The following PIK3R1 variants were observed in gnomAD, a reference collection of about 807,000 sequenced individuals.
PIK3R1 encodes phosphatidylinositol 3-kinase regulatory subunit alpha.
PIK3R1 carries 29 observed loss-of-function variants against 98.0 expected under a neutral mutation model. The ratio of observed to expected loss-of-function variants is 0.30; its 90% CI spans 0.22 to 0.40. PIK3R1 has a LOEUF of 0.40. PIK3R1 is among the 10% of genes least tolerant of loss of function. The probability of loss-of-function intolerance (pLI) is 1.00; values close to 1 mark genes in which losing one functional copy is unlikely to be tolerated. For synonymous variants in PIK3R1, 282 were observed against 311.8 expected (o/e 0.90, Z 1.01); for missense variants, 596 against 872.7 (o/e 0.68, Z 3.99).
At chr5:68,224,069 GAC>G (rs1561256173) in intron 1 of PIK3R1, among the ~76,000 whole-genome samples, 2 of 152,132 alleles carry the variant, frequency 1.3e-5, no homozygotes, top group Admixed American at 6.5e-5. Context: ...CCCCCTAAAA[GAC>G]ATACATTGCC....
chr5:68,248,006 T>G (rs907388775), intron 2 of PIK3R1, among the ~76,000 whole-genome samples: 7 of 152,172 alleles, frequency 4.6e-5, no homozygotes, highest in Admixed American at 4.6e-4. Flanking sequence ...TTCTTTTTTT[T>G]TTTTTGACAG....
At chr5:68,248,576 A>C (rs937582624) in intron 2 of PIK3R1, among the ~76,000 whole-genome samples, 2 of 151,910 alleles carry the variant, frequency 1.3e-5, no homozygotes, top group Non-Finnish European at 2.9e-5. Context: ...TTTTTTCTTT[A>C]CGTCTGTTCA....
chr5:68,272,252 C>CAAA (rs36123886), intron 2 of PIK3R1, among the ~76,000 whole-genome samples: 12 of 46,886 alleles, frequency 2.6e-4, no homozygotes, highest in African/African-American at 8.6e-4. Context: ...GACCCTGTCT[C>CAAA]AAAAAAAAAA....
Position 68,294,688 on chromosome 5 carries a change from T to C in PIK3R1, c.1568+10T>C, listed in dbSNP as rs768927617. On this transcript the variant is annotated intron_variant, in intron 12 of 15. Coordinates refer to ENST00000521381, the MANE Select transcript of PIK3R1 (RefSeq NM_181523.3). The stretch of plus-strand genomic sequence containing the variant: ...AGAAAGAAATACAAAGGTTGGTGTT[T>C]CCCTTGTTCTTGTGCTAGAGATAAC... 1.9e-6 allele frequency: 3 copies of C among 1,591,604 alleles called. No homozygotes were observed. In the Admixed American group the frequency reaches 5.5e-5, roughly 29 times the overall value.
intron 2 of PIK3R1, among the ~76,000 whole-genome samples, chr5:68,247,998 CT>C (rs377116887): frequency 1.6e-3 from 233 of 145,086 alleles, no homozygotes; most frequent in Non-Finnish European, 1.8e-3. Context: ...GGAAAATGTT[CT>C]TTTTTTTTTT....
chr5:68,237,201 G>A (rs1216126108), intron 2 of PIK3R1, among the ~76,000 whole-genome samples: 1 of 152,196 alleles, frequency 6.6e-6, no homozygotes, highest in African/African-American at 2.4e-5. Context: ...GTTTTGGTCT[G>A]TGGATAGCAG....
rs562206447 is a variant in PIK3R1 at position 68,257,232 on chromosome 5, GA to G, written c.335-16156del. On this transcript the variant is annotated intron_variant, in intron 2 of 15. Coordinates refer to ENST00000521381, the MANE Select transcript of PIK3R1 (RefSeq NM_181523.3). The stretch of plus-strand genomic sequence containing the variant: ...TGGCTGATAGCTGCTCCATCCAGAG[GA>G]AGAGCCATGAAGTTCCCCCGACCCA... Among the ~76,000 whole-genome samples the G allele has an allele frequency of 2.8e-3, 432 of 152,302 alleles. 1 individual carries two copies. Among genetic ancestry groups the G allele is most frequent in the Non-Finnish European group, 4.3e-3 (291 of 68,022 alleles).
At chr5:68,259,062 A>C (rs1050955930) in intron 2 of PIK3R1, among the ~76,000 whole-genome samples, 5 of 152,198 alleles carry the variant, frequency 3.3e-5, no homozygotes, top group Non-Finnish European at 7.3e-5. Flanking sequence ...CTAAAGAAAA[A>C]TTGAAGGCCA....
rs944735255 is a variant in PIK3R1, at chr5:68,299,815, T to C, written c.*2214T>C. 4.3e-6 allele frequency: 1 copy of C among 233,116 alleles called. No individual in the cohort carries two copies. Among genetic ancestry groups the C allele is most frequent in the African/African-American group, 2.2e-5 (1 of 45,344 alleles). 14.4% of individuals were successfully genotyped at this position (233,116 alleles called of 1,614,324 possible). A position where few individuals can be genotyped will look rare whatever the true frequency, so the allele number is the denominator to read the frequency against. ...GAAACTACTCATACTTAAGCAAAAG[T>C]CAGTCTTATAGCAAGACTGTTAGCC... On this transcript the variant is annotated 3_prime_UTR_variant, in exon 16 of 16. Transcript: ENST00000521381.
intron 1 of PIK3R1, among the ~76,000 whole-genome samples, chr5:68,222,966 T>C (rs376970716): frequency 7.2e-5 from 11 of 152,120 alleles, no homozygotes; most frequent in African/African-American, 2.4e-4. Flanking sequence ...TAAGTGAGAC[T>C]ACTGATAGTA....
chr5:68,298,539 CCTTTTTTAAAA>C lies in PIK3R1; in HGVS notation c.*939_*949del, dbSNP rs1334160571. On this transcript the variant is annotated 3_prime_UTR_variant, in exon 16 of 16. Transcript: ENST00000521381. ...TTTTGTTAATATTCATTTTTGTTATCCTTTTTTAAAAGTAAATGTACAGGATGCCAGTAAAA... is the reference window on the plus strand; with the variant it reads ...TTTTGTTAATATTCATTTTTGTTATCGTAAATGTACAGGATGCCAGTAAAA... 8.6e-6 allele frequency: 2 copies of C among 231,972 alleles called. No individual in the cohort carries two copies. The highest frequency in any genetic ancestry group is 1.7e-5 in the Non-Finnish European group (2 of 117,722). The allele number at this position is 231,972 out of a possible 1,614,324, so 14.4% of individuals were successfully genotyped here. A position where few individuals can be genotyped will look rare whatever the true frequency, so the allele number is the denominator to read the frequency against.
At chr5:68,278,404 G>A (rs1468675875) in intron 4 of PIK3R1, among the ~76,000 whole-genome samples, 1 of 152,148 alleles carries the variant, frequency 6.6e-6, no homozygotes. Context: ...CCATCACTCT[G>A]TTGGTGACAT....
Position 68,293,846 on chromosome 5 carries a change from A to G in PIK3R1, c.1425+12A>G, listed in dbSNP as rs370702392. Reference sequence around the variant, plus strand: ...CCCGCACATCCCAGGTGAGTTTTCTATGAAAATCAGATTAAAAAATAAGAG... The same window carrying G: ...CCCGCACATCCCAGGTGAGTTTTCTGTGAAAATCAGATTAAAAAATAAGAG... On this transcript the variant is annotated intron_variant, in intron 11 of 15. Transcript: ENST00000521381. 6 of 1,545,176 alleles carry G rather than the reference A, an allele frequency of 3.9e-6. No homozygotes were observed. The Admixed American group carries it at 9.3e-5, about 24-fold the overall frequency.
At chr5:68,236,070 C>T (rs1040380722) in intron 2 of PIK3R1, among the ~76,000 whole-genome samples, 9 of 150,918 alleles carry the variant, frequency 6.0e-5, no homozygotes, top group Admixed American at 6.0e-4. Flanking sequence ...AGGGTTTCAC[C>T]ATATTGGTCA....
rs1361311361 is a variant in PIK3R1 at position 68,226,446 on chromosome 5, G to A, written c.-230G>A. The A allele has an allele frequency of 3.9e-5, 20 of 512,424 alleles. No homozygotes were observed. The highest frequency in any genetic ancestry group is 2.0e-4 in the Admixed American group (6 of 29,814). 31.7% of individuals were successfully genotyped at this position (512,424 alleles called of 1,614,324 possible). A position where few individuals can be genotyped will look rare whatever the true frequency, so the allele number is the denominator to read the frequency against. On this transcript the variant is annotated 5_prime_UTR_variant, in exon 2 of 16. Transcript: ENST00000521381. ...GAAGCCAGTGAGAGGACTGTGGCAC[G>A]CAGAGGAAGTGGAGCCCTGTCTTCG...
At chr5:68,262,921 A>C in intron 2 of PIK3R1, among the ~76,000 whole-genome samples, 1 of 81,870 alleles carries the variant, frequency 1.2e-5, no homozygotes, top group Non-Finnish European at 2.6e-5. Context: ...ATACATGTAG[A>C]TACATGTATA....
At chr5:68,252,724 T>TG in intron 2 of PIK3R1, among the ~76,000 whole-genome samples, 1 of 152,304 alleles carries the variant, frequency 6.6e-6, no homozygotes, top group Non-Finnish European at 1.5e-5. Flanking sequence ...TCCCCAATTT[T>TG]GGGGGTGGGA....
At position 68,226,410 on chromosome 5, in the gene PIK3R1, T is replaced by C. The variant is rs1744277880; in HGVS notation, c.-266T>C. ...AGCCTGGATTCAAAGTGTTGACAAGTTGCTGAAAAGGAAGCCAGTGAGAGG... is the reference window on the plus strand; with the variant it reads ...AGCCTGGATTCAAAGTGTTGACAAGCTGCTGAAAAGGAAGCCAGTGAGAGG... On this transcript the variant is annotated 5_prime_UTR_variant, in exon 2 of 16. Transcript: ENST00000521381. 8.3e-6 allele frequency: 4 copies of C among 482,398 alleles called. No individual in the cohort carries two copies. In the East Asian group the frequency reaches 1.2e-4, roughly 14 times the overall value. The allele number at this position is 482,398 out of a possible 1,614,324, so 29.9% of individuals were successfully genotyped here. A position where few individuals can be genotyped will look rare whatever the true frequency, so the allele number is the denominator to read the frequency against.
chr5:68,285,722 A>G (rs2112213839), intron 7 of PIK3R1, among the ~76,000 whole-genome samples: 1 of 152,324 alleles, frequency 6.6e-6, no homozygotes, highest in South Asian at 2.1e-4. Flanking sequence ...TCTGCTAAGC[A>G]GTGGGGATGC....
Sources: allele counts gnomAD v4.1 joint callset (sites outside exome capture counted in the v4.1 genomes callset), GRCh38; gene constraint gnomAD v4.1.1; transcripts MANE v1.5; gene names NCBI Gene and HGNC (gene_info 2026-07-23, HGNC 2026-07-21).